Variants in MEGF11 observed in about 807,000 individuals in gnomAD.
MEGF11 encodes the protein multiple epidermal growth factor-like domains protein 11.
In MEGF11, 126 loss-of-function variants were observed where a neutral mutation model predicts 146.6. The ratio of observed to expected loss-of-function variants is 0.86; its 90% CI spans 0.74 to 1.00. MEGF11 has a LOEUF of 1.00. MEGF11 is among the 50% of genes least tolerant of loss of function. The pLI, the probability that MEGF11 is intolerant of heterozygous loss-of-function variation, is 0.00. For synonymous variants in MEGF11, 532 were observed against 583.4 expected, an observed-to-expected ratio of 0.91 and a Z score of 1.27; for missense variants, 1,509 against 1,521.2, an observed-to-expected ratio of 0.99 and a Z score of 0.13.
At chr15:66,099,433 C>T (rs1440365450) in intron 4 of MEGF11, among the ~76,000 whole-genome samples, 7 of 152,158 alleles carry the variant, frequency 4.6e-5, no homozygotes, top group African/African-American at 1.7e-4. Context: ...GATCTGCCCA[C>T]CTCAGCCTCC....
intron 1 of MEGF11, among the ~76,000 whole-genome samples, chr15:66,207,801 G>A (rs927918406): frequency 6.6e-6 from 1 of 152,134 alleles, no homozygotes; most frequent in Non-Finnish European, 1.5e-5. Context: ...GAGAAGGAGA[G>A]GCCGGGAATG....
chr15:65,937,210 C>T (rs1268722239), intron 10 of MEGF11, among the ~76,000 whole-genome samples: 1 of 152,170 alleles, frequency 6.6e-6, no homozygotes, highest in East Asian at 1.9e-4. Context: ...TAGAGCCTGA[C>T]CCAAACCAGC....
chr15:66,164,280 G>A (rs1016141391), intron 1 of MEGF11, among the ~76,000 whole-genome samples: 4 of 152,196 alleles, frequency 2.6e-5, no homozygotes, highest in East Asian at 3.8e-4. Context: ...ACTCAGAATT[G>A]TTGCACTGCA....
intron 1 of MEGF11, among the ~76,000 whole-genome samples, chr15:66,165,329 G>A (rs942437933): frequency 1.3e-5 from 2 of 152,158 alleles, no homozygotes; most frequent in Admixed American, 1.3e-4. Context: ...GACTCACAGG[G>A]TTGGTGCAGA....
intron 1 of MEGF11, among the ~76,000 whole-genome samples, chr15:66,168,018 G>A (rs149089383): frequency 8.5e-5 from 13 of 152,100 alleles, no homozygotes; most frequent in Non-Finnish European, 1.8e-4. Context: ...CCTCCCAGCA[G>A]CCAGAGGGAG....
At chr15:66,178,526 T>C (rs1377817650) in intron 1 of MEGF11, among the ~76,000 whole-genome samples, 1 of 152,230 alleles carries the variant, frequency 6.6e-6, no homozygotes, top group Non-Finnish European at 1.5e-5. Context: ...CCCCAGATAT[T>C]GTTTGGTTCT....
chr15:66,232,958 G>A (rs1209600349), intron 1 of MEGF11, among the ~76,000 whole-genome samples: 1 of 152,144 alleles, frequency 6.6e-6, no homozygotes, highest in East Asian at 1.9e-4. Flanking sequence ...TGATATGAAA[G>A]CCCAGGTTAC....
chr15:66,021,371 A>AT (rs1278296329), intron 5 of MEGF11, among the ~76,000 whole-genome samples: 1 of 152,258 alleles, frequency 6.6e-6, no homozygotes, highest in African/African-American at 2.4e-5. Flanking sequence ...AGTATCTTTT[A>AT]TATGTATGAG....
At chr15:65,994,437 C>T (rs1461884019) in intron 5 of MEGF11, among the ~76,000 whole-genome samples, 1 of 152,208 alleles carries the variant, frequency 6.6e-6, no homozygotes, top group African/African-American at 2.4e-5. Context: ...CTGGTGGGCC[C>T]ACGGAGCATT....
At chr15:66,145,103 C>A (rs759142368) in intron 1 of MEGF11, among the ~76,000 whole-genome samples, 58 of 152,318 alleles carry the variant, frequency 3.8e-4, no homozygotes, top group Admixed American at 7.2e-4. Flanking sequence ...GCCAGACCCT[C>A]CTGCAAGGAT....
chr15:66,083,273 A>C (rs2085973664), intron 5 of MEGF11, among the ~76,000 whole-genome samples: 3 of 152,178 alleles, frequency 2.0e-5, no homozygotes, highest in Admixed American at 2.0e-4. Context: ...CCAATTGTAC[A>C]TTTCATTCTA....
In MEGF11 at chr15:65,937,943, G is replaced by A. The variant is rs527621340; in HGVS notation, c.1288-7000C>T. Reference sequence around the variant, plus strand: ...TGCAAGTGTCCAGCTGGGAACCACTGGCTATGTGATCTCTAAGGGCCCTTT... The same window carrying A: ...TGCAAGTGTCCAGCTGGGAACCACTAGCTATGTGATCTCTAAGGGCCCTTT... On this transcript the variant is annotated intron_variant, in intron 10 of 25. Coordinates refer to ENST00000395614, the MANE Select transcript of MEGF11 (RefSeq NM_001385028.1). Among the ~76,000 whole-genome samples, 6 of 152,352 alleles carry A rather than the reference G, an allele frequency of 3.9e-5. No individual in the cohort carries two copies. In the South Asian group the frequency reaches 1.2e-3, roughly 32 times the overall value.
At chr15:65,972,974 G>A (rs1418556951) in intron 7 of MEGF11, among the ~76,000 whole-genome samples, 2 of 152,178 alleles carry the variant, frequency 1.3e-5, no homozygotes, top group East Asian at 1.9e-4. Context: ...AAAATTAACC[G>A]GGCGTGGTGG....
At chr15:66,109,041 C>T (rs181385566) in intron 4 of MEGF11, among the ~76,000 whole-genome samples, 144 of 152,326 alleles carry the variant, frequency 9.5e-4, no homozygotes, top group Non-Finnish European at 1.5e-3. Context: ...AATCCTCCCA[C>T]GGCTGTATCA....
chr15:66,207,737 G>A (rs907835184), intron 1 of MEGF11, among the ~76,000 whole-genome samples: 8 of 152,176 alleles, frequency 5.3e-5, no homozygotes, highest in African/African-American at 9.7e-5. Context: ...TACAAATACT[G>A]TTGATGGGCA....
At chr15:66,090,670 G>A (rs962789823) in intron 5 of MEGF11, among the ~76,000 whole-genome samples, 8 of 152,186 alleles carry the variant, frequency 5.3e-5, no homozygotes, top group Non-Finnish European at 1.2e-4. Flanking sequence ...AAGGACGGTG[G>A]GCCTATGACA....
chr15:66,036,508 C>G (rs2083730843), intron 5 of MEGF11, among the ~76,000 whole-genome samples: 1 of 152,194 alleles, frequency 6.6e-6, no homozygotes, highest in African/African-American at 2.4e-5. Flanking sequence ...ATTTGTGTTG[C>G]CTCCAATGTT....
intron 2 of MEGF11, among the ~76,000 whole-genome samples, chr15:66,127,441 T>C (rs2088411571): frequency 6.6e-6 from 1 of 152,210 alleles, no homozygotes; most frequent in African/African-American, 2.4e-5. Context: ...TTCCCTGCCC[T>C]AGGGCTGGGC....
At chr15:66,089,867 C>T (rs146429071) in intron 5 of MEGF11, among the ~76,000 whole-genome samples, 1 of 152,150 alleles carries the variant, frequency 6.6e-6, no homozygotes, top group Non-Finnish European at 1.5e-5. Flanking sequence ...GAGATTAGTG[C>T]AATTTAATAA....
Sources: gnomAD v4.1 joint callset for allele counts (sites outside exome capture counted in the v4.1 genomes callset) on GRCh38, gnomAD v4.1.1 for gene constraint, MANE v1.5 for transcripts, NCBI Gene and HGNC (gene_info 2026-07-23, HGNC 2026-07-21) for gene names.